Variants in GALNTL6 observed in about 807,000 individuals in gnomAD.
GALNTL6 encodes the protein polypeptide N-acetylgalactosaminyltransferase-like 6.
A neutral mutation model predicts 73.7 loss-of-function variants in GALNTL6; 46 were observed. The ratio of observed to expected loss-of-function variants is 0.62; its 90% CI spans 0.49 to 0.80. The LOEUF (loss-of-function observed/expected upper bound fraction) is 0.80. GALNTL6 is among the 30% of genes least tolerant of loss of function. The probability of loss-of-function intolerance (pLI) is 0.00; values close to 1 mark genes in which losing one functional copy is unlikely to be tolerated. For missense variants in GALNTL6, 604 were observed against 755.0 expected (o/e 0.80, Z 2.34); for synonymous variants, 259 against 263.7 (o/e 0.98, Z 0.17).
At chr4:172,063,880 C>T (rs542338208) in intron 2 of GALNTL6, among the ~76,000 whole-genome samples, 28 of 152,280 alleles carry the variant, frequency 1.8e-4, no homozygotes, top group African/African-American at 6.5e-4. Context: ...CTCCCTTATC[C>T]TTTATGTAAT....
intron 2 of GALNTL6, among the ~76,000 whole-genome samples, chr4:171,951,987 A>G (rs1328456326): frequency 6.6e-6 from 1 of 152,042 alleles, no homozygotes; most frequent in Non-Finnish European, 1.5e-5. Context: ...TTGGAAAGAA[A>G]TAATGAGTAT....
chr4:173,009,085 T>A, intron 10 of GALNTL6, 93 bp from the exon 11 acceptor site: 1 of 811,312 alleles, frequency 1.2e-6, no homozygotes, highest in African/African-American at 1.7e-5. Context: ...AAAAAGATAA[T>A]CTATGTCTTA....
chr4:171,885,663 T>G (rs112346935), intron 2 of GALNTL6, among the ~76,000 whole-genome samples: 119 of 151,948 alleles, frequency 7.8e-4, no homozygotes, highest in African/African-American at 2.6e-3. Context: ...AATATTAACC[T>G]AGCACAGTGG....
intron 2 of GALNTL6, among the ~76,000 whole-genome samples, chr4:172,198,341 G>A (rs1735845887): frequency 6.7e-6 from 1 of 150,032 alleles, no homozygotes; most frequent in Non-Finnish European, 1.5e-5. Flanking sequence ...CATAATGGGA[G>A]AAAATTTTGC....
At chr4:172,109,190 T>C (rs2110975906) in intron 2 of GALNTL6, among the ~76,000 whole-genome samples, 2 of 152,330 alleles carry the variant, frequency 1.3e-5, no homozygotes, top group Middle Eastern at 6.8e-3. Context: ...ATTTTGTCTC[T>C]TTTAGTTCTA....
At chr4:172,960,583 G>A (rs1286468582) in intron 10 of GALNTL6, among the ~76,000 whole-genome samples, 1 of 152,034 alleles carries the variant, frequency 6.6e-6, no homozygotes, top group African/African-American at 2.4e-5. Context: ...AGGAAGATTT[G>A]GGATAAGTCG....
intron 5 of GALNTL6, among the ~76,000 whole-genome samples, chr4:172,737,952 T>A (rs181875263): frequency 6.6e-6 from 1 of 152,164 alleles, no homozygotes; most frequent in Non-Finnish European, 1.5e-5. Context: ...AGAGGGGACC[T>A]GGGGAACATA....
intron 11 of GALNTL6, among the ~76,000 whole-genome samples, chr4:173,013,017 C>T (rs1489728013): frequency 6.6e-6 from 1 of 152,106 alleles, no homozygotes; most frequent in Non-Finnish European, 1.5e-5. Context: ...TGATTATATA[C>T]ATATATCCAG....
At chr4:171,921,583 T>C (rs773211229) in intron 2 of GALNTL6, among the ~76,000 whole-genome samples, 1 of 152,130 alleles carries the variant, frequency 6.6e-6, no homozygotes, top group Non-Finnish European at 1.5e-5. Flanking sequence ...GTATCTTCAA[T>C]TGTATTCTAG....
At chr4:172,532,922 C>T (rs921293392) in intron 5 of GALNTL6, among the ~76,000 whole-genome samples, 1 of 150,878 alleles carries the variant, frequency 6.6e-6, no homozygotes, top group African/African-American at 2.4e-5. Flanking sequence ...GTTATTCAAG[C>T]CAAAAAGAAA....
chr4:172,586,965 A>T (rs368546140), intron 5 of GALNTL6, among the ~76,000 whole-genome samples: 77 of 152,332 alleles, frequency 5.1e-4, no homozygotes, highest in African/African-American at 1.8e-3. Flanking sequence ...GAAGTCTTTT[A>T]ACAGTGTAAG....
At position 172,858,677 on chromosome 4, in the gene GALNTL6, G is replaced by A. The variant is rs183209256; in HGVS notation, c.924-24113G>A. 6.8e-4 allele frequency among the ~76,000 whole-genome samples: 104 copies of A among 152,218 alleles called. 1 individual carries two copies. The highest frequency in any genetic ancestry group is 2.4e-3 in the African/African-American group (99 of 41,514). ...CCTACTGTCATGGCATAGTGTTGAT[G>A]AGAAAGCACTAAGTAGACTAAAATC... On this transcript the variant is annotated intron_variant, in intron 7 of 12. Coordinates refer to ENST00000506823, the MANE Select transcript of GALNTL6 (RefSeq NM_001034845.3).
At chr4:172,253,362 A>G (rs1264851399) in intron 3 of GALNTL6, among the ~76,000 whole-genome samples, 1 of 151,902 alleles carries the variant, frequency 6.6e-6, no homozygotes, top group Admixed American at 6.6e-5. Flanking sequence ...AAAAAGAAGG[A>G]GAAACCTGTT....
chr4:171,850,192 G>A (rs1435028198), intron 2 of GALNTL6, among the ~76,000 whole-genome samples: 1 of 152,126 alleles, frequency 6.6e-6, no homozygotes, highest in African/African-American at 2.4e-5. Context: ...GGCTGTTCTC[G>A]AATTCCTGAC....
chr4:172,712,679 C>A (rs1296870686), intron 5 of GALNTL6, among the ~76,000 whole-genome samples: 4 of 152,126 alleles, frequency 2.6e-5, no homozygotes, highest in African/African-American at 2.4e-5. Flanking sequence ...ACCTCTGTGT[C>A]TGTGCCATTT....
chr4:172,201,231 G>A lies in GALNTL6; in HGVS notation c.139-28425G>A, dbSNP rs371690686. On this transcript the variant is annotated intron_variant, in intron 2 of 12. Transcript: ENST00000506823. ...TTGTTTTGTTTTGTTGTTTTGAGAC[G>A]GGGTCTTGCTCTGTCCCCAGGCTGG... Among the ~76,000 whole-genome samples, 7 of 151,062 alleles carry A rather than the reference G, an allele frequency of 4.6e-5. No homozygotes were observed. In the East Asian group the frequency reaches 5.9e-4, roughly 13 times the overall value.
At chr4:171,979,580 A>T (rs983723931) in intron 2 of GALNTL6, among the ~76,000 whole-genome samples, 7 of 152,236 alleles carry the variant, frequency 4.6e-5, no homozygotes, top group African/African-American at 1.7e-4. Flanking sequence ...TTGGAGATCC[A>T]TTCCAGGTTT....
At chr4:172,066,924 C>T (rs1042216637) in intron 2 of GALNTL6, among the ~76,000 whole-genome samples, 4 of 152,080 alleles carry the variant, frequency 2.6e-5, no homozygotes, top group African/African-American at 9.7e-5. Flanking sequence ...AGAGAAAAGA[C>T]AAGCAATTGA....
intron 2 of GALNTL6, among the ~76,000 whole-genome samples, chr4:172,057,468 C>T (rs932964805): frequency 6.6e-6 from 1 of 151,306 alleles, no homozygotes; most frequent in Non-Finnish European, 1.5e-5. Flanking sequence ...GCGGGAGGAT[C>T]ATTTGAGCCC....
Sources: allele counts gnomAD v4.1 joint callset (sites outside exome capture counted in the v4.1 genomes callset), GRCh38; gene constraint gnomAD v4.1.1; transcripts MANE v1.5; gene names NCBI Gene and HGNC (gene_info 2026-07-23, HGNC 2026-07-21).